Variants in CDK5RAP2 observed in about 807,000 individuals in gnomAD.
CDK5RAP2 encodes CDK5 regulatory subunit-associated protein 2.
In CDK5RAP2, 147 loss-of-function variants were observed where a neutral mutation model predicts 232.9. That is an observed-to-expected ratio of 0.63 (90% CI 0.55 to 0.72). The LOEUF is 0.72. Ranked by LOEUF, CDK5RAP2 falls within the 30% of genes least tolerant of loss-of-function variation. The pLI, the probability that CDK5RAP2 is intolerant of heterozygous loss-of-function variation, is 0.00. For synonymous variants in CDK5RAP2, 833 were observed against 833.7 expected (o/e 1.00, Z 0.01); for missense variants, 2,195 against 2,231.5 (o/e 0.98, Z 0.33).
chr9:120,487,772 A>G (rs1296279885), intron 13 of CDK5RAP2, among the ~76,000 whole-genome samples: 6 of 152,280 alleles, frequency 3.9e-5, no homozygotes, highest in Middle Eastern at 3.4e-3. Context: ...CCTGGTTCCA[A>G]ACCTAGGTTC....
At chr9:120,423,210 T>A (rs996402707) in intron 25 of CDK5RAP2, among the ~76,000 whole-genome samples, 1 of 152,218 alleles carries the variant, frequency 6.6e-6, no homozygotes, top group African/African-American at 2.4e-5. Flanking sequence ...GCCATTTCTC[T>A]TACTAAATTT....
intron 5 of CDK5RAP2, among the ~76,000 whole-genome samples, chr9:120,540,349 C>G (rs1020786898): frequency 2.0e-5 from 3 of 152,178 alleles, no homozygotes; most frequent in Non-Finnish European, 4.4e-5. Context: ...CTATTCACCA[C>G]CAGCTTCCCA....
chr9:120,521,452 G>A, intron 11 of CDK5RAP2, among the ~76,000 whole-genome samples: 1 of 152,026 alleles, frequency 6.6e-6, no homozygotes, highest in African/African-American at 2.4e-5. Context: ...ATGGGGGCAG[G>A]TTTTTCCCAT....
At chr9:120,560,262 AG>A (rs1302314298) in intron 3 of CDK5RAP2, among the ~76,000 whole-genome samples, 21 of 152,248 alleles carry the variant, frequency 1.4e-4, no homozygotes, top group Admixed American at 1.4e-3. Flanking sequence ...ATTCCCTCAC[AG>A]GGGTGTTGTG....
intron 10 of CDK5RAP2, among the ~76,000 whole-genome samples, chr9:120,526,907 CAACT>C (rs1286714017): frequency 6.6e-6 from 1 of 152,130 alleles, no homozygotes; most frequent in Admixed American, 6.5e-5. Context: ...CCTTCCTTCC[CAACT>C]AACTCCTACT....
At chr9:120,499,052 A>G (rs1470391674) in intron 12 of CDK5RAP2, among the ~76,000 whole-genome samples, 2 of 152,202 alleles carry the variant, frequency 1.3e-5, no homozygotes, top group Non-Finnish European at 2.9e-5. Context: ...TCCTTGGATC[A>G]TGATTTAAAC....
intron 31 of CDK5RAP2, 160 bp from the exon 32 acceptor site, chr9:120,407,408 A>T: frequency 1.5e-6 from 1 of 666,062 alleles, no homozygotes. Context: ...AGAAACAAAA[A>T]TATTGGCAGA....
chr9:120,453,834 T>A lies in CDK5RAP2; in HGVS notation c.2415A>T (p.Gly805=), dbSNP rs143748783. Reference sequence around the variant, plus strand: ...CTTCCTGCTCTGTCAAGAATAGTTGTCCCAGAAGCAGTTCCCGTACCACTT... The same window carrying A: ...CTTCCTGCTCTGTCAAGAATAGTTGACCCAGAAGCAGTTCCCGTACCACTT... ...LLKVVRELLL[G]QLFLTEQEVS... is the part of the protein sequence containing the mutation. The change falls in exon 21 of 38, where the codon GGA becomes GGT. Residue 805 remains glycine (G), a synonymous_variant. Transcript: ENST00000349780. The A allele has an allele frequency of 1.1e-5, 18 of 1,614,112 alleles. No homozygotes were observed. The highest frequency in any genetic ancestry group is 1.7e-5 in the Admixed American group (1 of 60,012).
At chr9:120,404,524 C>T (rs945039521) in intron 32 of CDK5RAP2, among the ~76,000 whole-genome samples, 1 of 152,106 alleles carries the variant, frequency 6.6e-6, no homozygotes, top group Non-Finnish European at 1.5e-5. Context: ...AAATGCCAGG[C>T]AGCACAATGG....
intron 3 of CDK5RAP2, among the ~76,000 whole-genome samples, chr9:120,559,634 A>C (rs1369271919): frequency 6.6e-6 from 1 of 151,724 alleles, no homozygotes; most frequent in East Asian, 1.9e-4. Context: ...CAGTAGGAAT[A>C]ATTACCCAAA....
At chr9:120,426,062 G>A (rs2034879099) in intron 25 of CDK5RAP2, among the ~76,000 whole-genome samples, 1 of 152,156 alleles carries the variant, frequency 6.6e-6, no homozygotes, top group African/African-American at 2.4e-5. Flanking sequence ...TTATAAAGAT[G>A]GGAAGACACT....
At chr9:120,477,292 C>T (rs763562402) in intron 15 of CDK5RAP2, 58 bp downstream of exon 15, 117 of 1,195,914 alleles carry the variant, frequency 9.8e-5, no homozygotes, top group Non-Finnish European at 1.3e-4. Flanking sequence ...TGCGTGTATG[C>T]GCGTGCATGT....
At chr9:120,497,220 G>A (rs1259504654) in intron 12 of CDK5RAP2, among the ~76,000 whole-genome samples, 2 of 131,784 alleles carry the variant, frequency 1.5e-5, no homozygotes, top group South Asian at 2.4e-4. Context: ...CAGCATGCTC[G>A]TTAAGAGTCA....
chr9:120,573,374 C>A (rs1482972538), intron 1 of CDK5RAP2, among the ~76,000 whole-genome samples: 5 of 151,966 alleles, frequency 3.3e-5, no homozygotes, highest in African/African-American at 1.2e-4. Context: ...CATGGTAAAA[C>A]CCCATCTCTA....
intron 3 of CDK5RAP2, among the ~76,000 whole-genome samples, chr9:120,561,783 T>C (rs1012879827): frequency 6.6e-6 from 1 of 152,256 alleles, no homozygotes; most frequent in Non-Finnish European, 1.5e-5. Context: ...ATTTTTCATA[T>C]TGTGGCAGAA....
chr9:120,430,590 A>G (rs1362001779), intron 25 of CDK5RAP2, among the ~76,000 whole-genome samples: 1 of 151,502 alleles, frequency 6.6e-6, no homozygotes, highest in East Asian at 1.9e-4. Flanking sequence ...TACAATGGCA[A>G]TCATTAAAAA....
At chr9:120,465,607 G>A in intron 18 of CDK5RAP2, among the ~76,000 whole-genome samples, 1 of 150,294 alleles carries the variant, frequency 6.7e-6, no homozygotes, top group Non-Finnish European at 1.5e-5. Flanking sequence ...GGGGGAGGGG[G>A]AAAATAAATA....
intron 12 of CDK5RAP2, among the ~76,000 whole-genome samples, chr9:120,501,230 T>C (rs1361775242): frequency 1.3e-5 from 2 of 152,178 alleles, no homozygotes; most frequent in African/African-American, 4.8e-5. Flanking sequence ...TCAGAGCCCT[T>C]AAGCCTGCTG....
At position 120,506,987 on chromosome 9, in the gene CDK5RAP2, C is replaced by T. The variant is rs116644064; in HGVS notation, c.1311+11440G>A. ...GGGTAAAATGCTACAAACAGCATTA[C>T]ATGCCATAGAGAAATATTTTGTGAA... is the stretch of plus-strand genomic sequence containing the variant. On this transcript the variant is annotated intron_variant, in intron 12 of 37. Transcript: ENST00000349780. Among the ~76,000 whole-genome samples, 1,505 of 152,270 alleles carry T rather than the reference C, an allele frequency of 9.9e-3. 22 individuals are homozygous for T. The highest frequency in any genetic ancestry group is 0.034 in the African/African-American group (1,409 of 41,544).
Sources: allele counts gnomAD v4.1 joint callset (sites outside exome capture counted in the v4.1 genomes callset), GRCh38; gene constraint gnomAD v4.1.1; transcripts MANE v1.5; gene names NCBI Gene and HGNC (gene_info 2026-07-23, HGNC 2026-07-21).